Variants in SLC5A4 observed in about 807,000 individuals in gnomAD.
SLC5A4 encodes solute carrier family 5 member 4.
In SLC5A4, 55 loss-of-function variants were observed where a neutral mutation model predicts 70.3. The ratio of observed to expected loss-of-function variants is 0.78; its 90% CI spans 0.63 to 0.98. The LOEUF is 0.98. Ranked by LOEUF, SLC5A4 falls within the 50% of genes least tolerant of loss-of-function variation. The pLI is 0.00. For synonymous variants in SLC5A4, 268 were observed against 305.7 expected, an observed-to-expected ratio of 0.88 and a Z score of 1.29; for missense variants, 735 against 839.2, an observed-to-expected ratio of 0.88 and a Z score of 1.53.
chr22:32,334,703 T>C, the SLC5A4 span, among the ~76,000 whole-genome samples: 5 of 152,214 alleles, frequency 3.3e-5, 1 homozygote, highest in South Asian at 6.2e-4. Flanking sequence ...CTGTCAACGG[T>C]GAGATGTCCC....
At chr22:32,307,427 A>C in the SLC5A4 span, among the ~76,000 whole-genome samples, 56 of 152,276 alleles carry the variant, frequency 3.7e-4, no homozygotes, top group African/African-American at 1.3e-3. Flanking sequence ...TCCGTTAGGC[A>C]CAAATAGCCA....
chr22:32,231,701 A>G (rs1414731261), intron 9 of SLC5A4, among the ~76,000 whole-genome samples: 2 of 152,188 alleles, frequency 1.3e-5, no homozygotes, highest in Non-Finnish European at 2.9e-5. Flanking sequence ...TTCTATAGAG[A>G]AATGTCTTTT....
At chr22:32,329,273 C>G in the SLC5A4 span, among the ~76,000 whole-genome samples, 1 of 152,186 alleles carries the variant, frequency 6.6e-6, no homozygotes, top group Non-Finnish European at 1.5e-5. Context: ...GTCACCATCT[C>G]CACCCGCCTC....
At chr22:32,334,195 C>T in the SLC5A4 span, among the ~76,000 whole-genome samples, 6 of 152,246 alleles carry the variant, frequency 3.9e-5, no homozygotes, top group East Asian at 1.2e-3. Flanking sequence ...CACCATGCCA[C>T]ACAGACTCCT....
chr22:32,333,198 C>CCCA, the SLC5A4 span, among the ~76,000 whole-genome samples: 123 of 145,942 alleles, frequency 8.4e-4, 1 homozygote, highest in Admixed American at 7.4e-3. Context: ...GCACTGGCAC[C>CCCA]CCCCCCCCAG....
At chr22:32,246,811 C>T (rs966453010) in intron 5 of SLC5A4, among the ~76,000 whole-genome samples, 59 of 152,124 alleles carry the variant, frequency 3.9e-4, no homozygotes, top group South Asian at 2.1e-3. Context: ...TACAAGTGTG[C>T]GCCACTGCAC....
chr22:32,230,026 G>C (rs906086649), intron 10 of SLC5A4, among the ~76,000 whole-genome samples: 2 of 152,142 alleles, frequency 1.3e-5, no homozygotes, highest in Non-Finnish European at 2.9e-5. Flanking sequence ...TAAGTCTTTG[G>C]AGGGGCAAAG....
the SLC5A4 span, among the ~76,000 whole-genome samples, chr22:32,334,088 C>T: frequency 1.3e-5 from 2 of 151,298 alleles, no homozygotes; most frequent in East Asian, 1.9e-4. Flanking sequence ...CCAGACAACA[C>T]ACACACACAC....
intron 1 of SLC5A4, 35 bp from the exon 2 acceptor site, chr22:32,254,248 C>T: frequency 1.3e-6 from 2 of 1,531,810 alleles, no homozygotes. Flanking sequence ...GGGTCAAGCC[C>T]CAGCAAGTGC....
chr22:32,339,542 C>G, the SLC5A4 span, among the ~76,000 whole-genome samples: 1,269 of 152,260 alleles, frequency 8.3e-3, 15 homozygotes, highest in African/African-American at 0.029. Flanking sequence ...GAAAACTAAG[C>G]GTGGGTGTTG....
the SLC5A4 span, among the ~76,000 whole-genome samples, chr22:32,324,007 G>A: frequency 5.3e-5 from 8 of 152,320 alleles, 1 homozygote; most frequent in South Asian, 1.0e-3. Context: ...TCCCCAGAGC[G>A]GTGTCCCTGG....
the SLC5A4 span, among the ~76,000 whole-genome samples, chr22:32,331,120 C>T: frequency 8.0e-5 from 7 of 87,132 alleles, no homozygotes; most frequent in African/African-American, 2.0e-4. Flanking sequence ...TGTGTGTGTT[C>T]GAGGCTCTGG....
At chr22:32,264,430 T>C in the SLC5A4 span, among the ~76,000 whole-genome samples, 1 of 151,970 alleles carries the variant, frequency 6.6e-6, no homozygotes, top group Non-Finnish European at 1.5e-5. Context: ...AAAAAGTTCG[T>C]TGGGCATGGT....
At chr22:32,334,140 G>C in the SLC5A4 span, among the ~76,000 whole-genome samples, 1 of 147,272 alleles carries the variant, frequency 6.8e-6, no homozygotes, top group African/African-American at 2.5e-5. Flanking sequence ...CACCATGCCA[G>C]ACAACACACA....
chr22:32,333,198 C>CG, the SLC5A4 span, among the ~76,000 whole-genome samples: 5 of 145,836 alleles, frequency 3.4e-5, no homozygotes, highest in East Asian at 2.2e-4. Flanking sequence ...GCACTGGCAC[C>CG]CCCCCCCCAG....
chr22:32,239,140 T>A, intron 5 of SLC5A4, 50 bp from the exon 6 acceptor site: 1 of 1,336,680 alleles, frequency 7.5e-7, no homozygotes, highest in Non-Finnish European at 1.1e-6. Context: ...TTGAGGCCAC[T>A]GGCTTCTCTG....
chr22:32,334,316 C>T, the SLC5A4 span, among the ~76,000 whole-genome samples: 1 of 152,182 alleles, frequency 6.6e-6, no homozygotes, highest in African/African-American at 2.4e-5. Flanking sequence ...TGCCCAGCCC[C>T]GCCCCTCCAG....
chr22:32,218,730 A>G lies in SLC5A4; in HGVS notation c.1769-5T>C. On this transcript the variant is annotated splice_polypyrimidine_tract_variant and splice_region_variant and intron_variant, in intron 14 of 14. Coordinates refer to ENST00000266086, the MANE Select transcript of SLC5A4 (RefSeq NM_014227.3). ...CACGTGATTTCTCAGGATAATCTGGAACAAAGATAAGCAAATGATTGCAGA... is the reference window on the plus strand; with the variant it reads ...CACGTGATTTCTCAGGATAATCTGGGACAAAGATAAGCAAATGATTGCAGA... 6.2e-7 allele frequency: 1 copy of G among 1,609,326 alleles called. No individual in the cohort carries two copies. The highest frequency in any genetic ancestry group is 8.5e-7 in the Non-Finnish European group (1 of 1,175,872).
chr22:32,341,688 C>G, the SLC5A4 span, among the ~76,000 whole-genome samples: 1 of 152,186 alleles, frequency 6.6e-6, no homozygotes, highest in African/African-American at 2.4e-5. Flanking sequence ...AAGTCCTATC[C>G]GTGGCCTAAA....
Sources: allele counts gnomAD v4.1 joint callset (sites outside exome capture counted in the v4.1 genomes callset), GRCh38; gene constraint gnomAD v4.1.1; transcripts MANE v1.5; gene names NCBI Gene and HGNC (gene_info 2026-07-23, HGNC 2026-07-21).